AP4E1: variants seen among roughly 807,000 people sequenced by gnomAD.
AP4E1 encodes the protein AP-4 complex subunit epsilon-1.
In AP4E1, 56 loss-of-function variants were observed where a neutral mutation model predicts 128.2. The ratio of observed to expected loss-of-function variants is 0.44; its 90% CI spans 0.35 to 0.55. AP4E1 has a LOEUF of 0.55. Among genes scored for constraint, AP4E1 ranks in the 20% least tolerant of loss-of-function variants. The probability of loss-of-function intolerance (pLI) is 0.00; values close to 1 mark genes in which losing one functional copy is unlikely to be tolerated. For missense variants in AP4E1, 1,324 were observed against 1,307.7 expected, an observed-to-expected ratio of 1.01 and a Z score of -0.19; for synonymous variants, 484 against 473.1, an observed-to-expected ratio of 1.02 and a Z score of -0.30.
intron 19 of AP4E1, among the ~76,000 whole-genome samples, chr15:51,000,503 C>T (rs1172680399): frequency 6.6e-6 from 1 of 152,110 alleles, no homozygotes; most frequent in Non-Finnish European, 1.5e-5. Flanking sequence ...GTACTGTATG[C>T]CTGTGGTGCT....
At chr15:50,933,582 G>A (rs2063864244) in intron 7 of AP4E1, among the ~76,000 whole-genome samples, 1 of 151,940 alleles carries the variant, frequency 6.6e-6, no homozygotes, top group African/African-American at 2.4e-5. Context: ...TTTTTTTGGG[G>A]GGCAGGGAAG....
At chr15:50,989,150 C>G (rs1358357316) in intron 16 of AP4E1, among the ~76,000 whole-genome samples, 1 of 152,066 alleles carries the variant, frequency 6.6e-6, no homozygotes, top group Non-Finnish European at 1.5e-5. Context: ...TAATTTTGAT[C>G]AATATTCTGA....
chr15:51,002,683 A>C lies in AP4E1; in HGVS notation c.*21A>C. 1 of 1,613,604 alleles carries C rather than the reference A, an allele frequency of 6.2e-7. No homozygotes were observed. The highest frequency in any genetic ancestry group is 8.5e-7 in the Non-Finnish European group (1 of 1,179,768). ...CCTAGCAGAAGCCCTGCTAAATTTT[A>C]CTCCATCAAGATCAATGGTTTACAT... On this transcript the variant is annotated 3_prime_UTR_variant, in exon 21 of 21. Transcript: ENST00000261842.
Position 51,001,750 on chromosome 15 carries a change from A to G in AP4E1, c.3253+567A>G, listed in dbSNP as rs1031297377. ...GTAAATGGATACTTGGGTTACTTCC[A>G]CTTTTTGGCTATGGTGAGTAATGCT... is the stretch of plus-strand genomic sequence containing the variant. On this transcript the variant is annotated intron_variant, in intron 20 of 20. Coordinates refer to ENST00000261842, the MANE Select transcript of AP4E1 (RefSeq NM_007347.5). 3.9e-5 allele frequency among the ~76,000 whole-genome samples: 6 copies of G among 152,156 alleles called. 1 individual carries two copies. The highest frequency in any genetic ancestry group is 5.9e-5 in the Non-Finnish European group (4 of 68,034).
intron 10 of AP4E1, chr15:50,944,759 T>G (rs1405913714): frequency 5.0e-6 from 3 of 604,422 alleles, no homozygotes; most frequent in Non-Finnish European, 9.1e-6. Context: ...CTACCTTACA[T>G]CCTTTTGAGG....
intron 15 of AP4E1, among the ~76,000 whole-genome samples, chr15:50,977,039 A>G (rs2064561559): frequency 6.6e-6 from 1 of 152,220 alleles, no homozygotes; most frequent in African/African-American, 2.4e-5. Flanking sequence ...TCCTCTCATT[A>G]ACTTTTTATA....
intron 10 of AP4E1, among the ~76,000 whole-genome samples, chr15:50,944,407 T>G (rs962263464): frequency 2.6e-5 from 4 of 152,162 alleles, no homozygotes; most frequent in African/African-American, 9.7e-5. Context: ...GTTCTGGAAA[T>G]GCCATATTTC....
At chr15:50,945,584 T>G in intron 10 of AP4E1, 1 of 745,916 alleles carries the variant, frequency 1.3e-6, no homozygotes, top group Admixed American at 2.0e-5. Flanking sequence ...GCTATTTGTA[T>G]CTTTCCTATA....
At chr15:50,908,575 C>G, upstream of AP4E1, 4 of 596,070 alleles carry the variant, frequency 6.7e-6, no homozygotes, top group Non-Finnish European at 1.0e-5. Context: ...AGCGAGCGGC[C>G]TTTTCCACCC....
rs184466844 is a variant in AP4E1, at chr15:50,931,046, T to C, written c.869+75T>C. On this transcript the variant is annotated intron_variant, in intron 7 of 20. Coordinates refer to ENST00000261842, the MANE Select transcript of AP4E1 (RefSeq NM_007347.5). ...AGCTTAGACTTTAGTAACCTAGAGGTTTAATGATAAACCAGATTCTTCCAA... is the reference window on the plus strand; with the variant it reads ...AGCTTAGACTTTAGTAACCTAGAGGCTTAATGATAAACCAGATTCTTCCAA... 2.5e-4 allele frequency: 383 copies of C among 1,545,094 alleles called. 2 individuals carry two copies. The East Asian group carries it at 8.0e-3, about 32-fold the overall frequency.
rs771632650 is a variant in AP4E1 at position 50,908,738 on chromosome 15, C to T, written c.-41C>T. 6.7e-7 allele frequency: 1 copy of T among 1,493,530 alleles called. No homozygotes were observed. Among genetic ancestry groups the T allele is most frequent in the African/African-American group, 1.5e-5 (1 of 68,480 alleles). 92.5% of individuals were successfully genotyped at this position (1,493,530 alleles called of 1,614,324 possible). ...GGCCGGGCATGAAGCCGGGCGGCTACGGGATCGCGGGCGGCGGCGGCATCG... is the reference window on the plus strand; with the variant it reads ...GGCCGGGCATGAAGCCGGGCGGCTATGGGATCGCGGGCGGCGGCGGCATCG... On this transcript the variant is annotated 5_prime_UTR_variant, in exon 1 of 21. The change creates a new upstream start codon in the 5' untranslated region. Coordinates refer to ENST00000261842, the MANE Select transcript of AP4E1 (RefSeq NM_007347.5).
chr15:50,909,345 C>G (rs1646924069), intron 1 of AP4E1, among the ~76,000 whole-genome samples: 2 of 152,044 alleles, frequency 1.3e-5, no homozygotes, highest in African/African-American at 2.4e-5. Context: ...TTTTTTTTCC[C>G]TACTCAGTTT....
intron 14 of AP4E1, among the ~76,000 whole-genome samples, chr15:50,965,656 A>C (rs1297023839): frequency 6.6e-6 from 1 of 151,986 alleles, no homozygotes; most frequent in Non-Finnish European, 1.5e-5. Context: ...CTTTTCAGGA[A>C]CCTCCACGTT....
At chr15:50,916,316 A>G (rs1434768779) in intron 3 of AP4E1, among the ~76,000 whole-genome samples, 2 of 152,198 alleles carry the variant, frequency 1.3e-5, no homozygotes, top group South Asian at 2.1e-4. Context: ...GAAATTTATT[A>G]AAGTAATTTT....
intron 11 of AP4E1, among the ~76,000 whole-genome samples, chr15:50,949,590 T>C (rs1206011055): frequency 6.6e-6 from 1 of 152,182 alleles, no homozygotes; most frequent in East Asian, 1.9e-4. Flanking sequence ...TGGATGACTG[T>C]TTTGTGCAAG....
At chr15:50,921,854 CT>C (rs1183588743) in intron 3 of AP4E1, among the ~76,000 whole-genome samples, 1 of 151,988 alleles carries the variant, frequency 6.6e-6, no homozygotes, top group Admixed American at 6.6e-5. Flanking sequence ...GTTTTTCCCC[CT>C]TTTTTTCTGA....
intron 16 of AP4E1, among the ~76,000 whole-genome samples, chr15:50,985,986 T>G (rs1014152366): frequency 6.6e-5 from 10 of 152,218 alleles, no homozygotes; most frequent in African/African-American, 2.4e-4. Context: ...ATTTATTTCT[T>G]TGAGCAGTGG....
At chr15:50,968,240 A>G (rs200511713) in intron 14 of AP4E1, 23 bp from the exon 15 acceptor site, 1 of 1,495,246 alleles carries the variant, frequency 6.7e-7, no homozygotes, top group South Asian at 1.2e-5. Context: ...TTAATTCCTA[A>G]TTTTTGCTTA....
chr15:50,945,721 G>A (rs1299343990), intron 10 of AP4E1: 3 of 781,014 alleles, frequency 3.8e-6, no homozygotes, highest in African/African-American at 1.7e-5. Flanking sequence ...CCTGTGGAAA[G>A]CTAATGCTTC....
Sources: gnomAD v4.1 joint callset for allele counts (sites outside exome capture counted in the v4.1 genomes callset) on GRCh38, gnomAD v4.1.1 for gene constraint, MANE v1.5 for transcripts, NCBI Gene and HGNC (gene_info 2026-07-23, HGNC 2026-07-21) for gene names.